POU6F2: variants seen among roughly 807,000 people sequenced by gnomAD.
The protein encoded by POU6F2 is POU class 6 homeobox 2, also known as POU domain, class 6, transcription factor 2.
Under a neutral mutation model 71.3 loss-of-function variants are expected in POU6F2, and 31 were observed. The observed-to-expected ratio is 0.43, with a 90% confidence interval of 0.33 to 0.59. The LOEUF (loss-of-function observed/expected upper bound fraction) is 0.59. POU6F2 is among the 20% of genes least tolerant of loss of function. The pLI, the probability that POU6F2 is intolerant of heterozygous loss-of-function variation, is 0.04. For missense variants in POU6F2, 783 were observed against 856.8 expected (o/e 0.91, Z 1.07); for synonymous variants, 347 against 355.7 (o/e 0.98, Z 0.27).
chr7:39,192,560 G>A (rs932281556), intron 2 of POU6F2, among the ~76,000 whole-genome samples: 1 of 152,212 alleles, frequency 6.6e-6, no homozygotes, highest in Admixed American at 6.5e-5. Context: ...CACCAGTTTT[G>A]TTGTGTTTTA....
intron 1 of POU6F2, among the ~76,000 whole-genome samples, chr7:39,064,163 A>G (rs35004215): frequency 0.24 from 36,553 of 151,948 alleles, 4,625 homozygotes; most frequent in South Asian, 0.38. Flanking sequence ...ACAAAATAAT[A>G]TTGAAAGAAA....
At chr7:39,148,564 T>A (rs1341595133) in intron 2 of POU6F2, among the ~76,000 whole-genome samples, 6 of 152,170 alleles carry the variant, frequency 3.9e-5, no homozygotes, top group Non-Finnish European at 8.8e-5. Flanking sequence ...ATAATGATAA[T>A]GATGGTGATG....
intron 4 of POU6F2, among the ~76,000 whole-genome samples, chr7:39,308,993 C>T (rs1785103069): frequency 1.3e-5 from 2 of 152,244 alleles, no homozygotes; most frequent in East Asian, 1.9e-4. Flanking sequence ...CAGAGACACA[C>T]GCCACCTTTA....
chr7:39,150,877 T>C (rs745927680), intron 2 of POU6F2, among the ~76,000 whole-genome samples: 2 of 152,000 alleles, frequency 1.3e-5, no homozygotes, highest in Non-Finnish European at 2.9e-5. Context: ...GGGTATGAGA[T>C]GATATCTCAT....
At chr7:39,306,958 T>C (rs527462032) in intron 4 of POU6F2, among the ~76,000 whole-genome samples, 1 of 152,226 alleles carries the variant, frequency 6.6e-6, no homozygotes, top group East Asian at 1.9e-4. Flanking sequence ...CTTTCAGCTC[T>C]GAATTAGGAT....
intron 5 of POU6F2, among the ~76,000 whole-genome samples, chr7:39,350,773 T>C (rs898661667): frequency 1.4e-4 from 21 of 152,226 alleles, no homozygotes; most frequent in African/African-American, 4.8e-4. Context: ...TGTAATCAAA[T>C]ATTTTCAGGG....
chr7:39,380,058 T>C (rs1244558749), intron 5 of POU6F2, among the ~76,000 whole-genome samples: 4 of 152,180 alleles, frequency 2.6e-5, no homozygotes, highest in African/African-American at 7.2e-5. Context: ...CCCAACCCAA[T>C]TGAAGAAATA....
At chr7:39,449,276 T>C (rs1205168977) in intron 7 of POU6F2, among the ~76,000 whole-genome samples, 1 of 152,190 alleles carries the variant, frequency 6.6e-6, no homozygotes, top group African/African-American at 2.4e-5. Context: ...ATCTGCTGCA[T>C]AGGAATGCCA....
intron 4 of POU6F2, among the ~76,000 whole-genome samples, chr7:39,265,086 G>A (rs1784214402): frequency 6.6e-6 from 1 of 152,184 alleles, no homozygotes; most frequent in Admixed American, 6.5e-5. Context: ...AGGTCAGAAT[G>A]TATACCTCAG....
At chr7:39,082,665 A>G (rs757212412) in intron 1 of POU6F2, among the ~76,000 whole-genome samples, 5 of 151,822 alleles carry the variant, frequency 3.3e-5, no homozygotes, top group Non-Finnish European at 7.4e-5. Flanking sequence ...CTCCCCCATC[A>G]CTTATAAGTC....
At chr7:39,454,404 C>G (rs1788735181) in intron 8 of POU6F2, among the ~76,000 whole-genome samples, 1 of 151,796 alleles carries the variant, frequency 6.6e-6, no homozygotes, top group South Asian at 2.1e-4. Flanking sequence ...CTTCAAGCTT[C>G]TAATCATAGC....
chr7:39,373,440 A>G (rs1248348285), intron 5 of POU6F2: 4 of 456,620 alleles, frequency 8.8e-6, no homozygotes, highest in Non-Finnish European at 1.3e-5. Flanking sequence ...TCTGTAGCCC[A>G]GCAATCAAAA....
At chr7:39,371,887 T>C (rs542025950) in intron 5 of POU6F2, among the ~76,000 whole-genome samples, 4 of 152,278 alleles carry the variant, frequency 2.6e-5, no homozygotes, top group African/African-American at 9.6e-5. Flanking sequence ...GATATTCTTT[T>C]TGTTTGCCTG....
At chr7:39,335,408 A>C (rs1785749929) in intron 4 of POU6F2, among the ~76,000 whole-genome samples, 1 of 152,182 alleles carries the variant, frequency 6.6e-6, no homozygotes. Context: ...CAGACCCTTC[A>C]ATTTAGGCTC....
intron 1 of POU6F2, among the ~76,000 whole-genome samples, chr7:39,056,660 CTCTGTGTGTGTGTGTGTATG>C (rs1790529319): frequency 1.0e-5 from 1 of 98,820 alleles, no homozygotes; most frequent in South Asian, 3.1e-4. Context: ...CTCTCTCTCT[CTCTGTGTGTGTGTGTGTATG>C]TGTGTGTGTG....
chr7:39,009,508 C>T, intron 1 of POU6F2, among the ~76,000 whole-genome samples: 1 of 150,532 alleles, frequency 6.6e-6, no homozygotes. Context: ...ACTGAATACC[C>T]TTTATTTCCT....
intron 1 of POU6F2, among the ~76,000 whole-genome samples, chr7:39,072,077 C>T (rs1473749772): frequency 6.6e-6 from 1 of 152,158 alleles, no homozygotes; most frequent in African/African-American, 2.4e-5. Flanking sequence ...AAGGTAGATA[C>T]ATGGGCCCTT....
chr7:39,106,807 T>C (rs1298629899), intron 2 of POU6F2, among the ~76,000 whole-genome samples: 1 of 152,208 alleles, frequency 6.6e-6, no homozygotes, highest in Non-Finnish European at 1.5e-5. Context: ...CTGAACAGTA[T>C]TTGAGACTGT....
At chr7:39,388,496 A>G (rs767867897) in intron 5 of POU6F2, among the ~76,000 whole-genome samples, 2 of 152,086 alleles carry the variant, frequency 1.3e-5, no homozygotes, top group African/African-American at 2.4e-5. Context: ...TTGTAATTTT[A>G]GTAGAGACAG....
Sources: allele counts gnomAD v4.1 joint callset (sites outside exome capture counted in the v4.1 genomes callset), GRCh38; gene constraint gnomAD v4.1.1; transcripts MANE v1.5; gene names NCBI Gene and HGNC (gene_info 2026-07-23, HGNC 2026-07-21).